The following ZNF215 variants were observed in gnomAD, a reference collection of about 807,000 sequenced individuals.
ZNF215 encodes the protein zinc finger protein 215.
A neutral mutation model predicts 27.2 loss-of-function variants in ZNF215; 24 were observed. That is an observed-to-expected ratio of 0.88 (90% CI 0.64 to 1.24). ZNF215 has a LOEUF of 1.24. Ranked by LOEUF, ZNF215 falls within the 50% of genes most tolerant of loss-of-function variation. The probability of loss-of-function intolerance (pLI) is 0.00; values close to 1 mark genes in which losing one functional copy is unlikely to be tolerated. For synonymous variants in ZNF215, 210 were observed against 204.0 expected (o/e 1.03, Z -0.25); for missense variants, 675 against 605.7 (o/e 1.11, Z -1.20).
rs1849281741 is a variant in ZNF215, at chr11:6,932,074, T to C, written c.-179-20T>C. 1 of 556,198 alleles carries C rather than the reference T, an allele frequency of 1.8e-6. No homozygotes were observed. The allele number at this position is 556,198 out of a possible 1,614,324, so 34.5% of individuals were successfully genotyped here. A position where few individuals can be genotyped will look rare whatever the true frequency, so the allele number is the denominator to read the frequency against. ...TAATAGATGTTTGTTCCCTGTGGGT[T>C]AATTTCTATCTTTTTTCAGTTGCTC... On this transcript the variant is annotated intron_variant, in intron 2 of 6. Coordinates refer to ENST00000278319, the MANE Select transcript of ZNF215 (RefSeq NM_013250.4).
chr11:6,929,364 A>G (rs1324584178), intron 2 of ZNF215, among the ~76,000 whole-genome samples: 1 of 152,210 alleles, frequency 6.6e-6, no homozygotes, highest in Admixed American at 6.5e-5. Flanking sequence ...CTTACAATTA[A>G]TAATACTACA....
chr11:6,992,266 T>TG (rs1165281035), downstream of ZNF215, among the ~76,000 whole-genome samples: 5 of 152,182 alleles, frequency 3.3e-5, no homozygotes, highest in Non-Finnish European at 7.4e-5. Flanking sequence ...CTAGCCCAGA[T>TG]TTCACAATTG....
chr11:6,976,610 T>C (rs1177787084), intron 5 of ZNF215, among the ~76,000 whole-genome samples: 1 of 152,052 alleles, frequency 6.6e-6, no homozygotes, highest in Non-Finnish European at 1.5e-5. Context: ...TATTTAATAA[T>C]TCCATTTAAG....
intron 6 of ZNF215, among the ~76,000 whole-genome samples, chr11:6,948,869 G>A (rs1425263276): frequency 6.7e-6 from 1 of 150,240 alleles, no homozygotes; most frequent in Non-Finnish European, 1.5e-5. Context: ...ATTTAGCATT[G>A]GGTATATCTC....
chr11:6,927,066 C>T (rs1290456063), intron 1 of ZNF215, among the ~76,000 whole-genome samples: 1 of 152,156 alleles, frequency 6.6e-6, no homozygotes. Context: ...GGGCAGTCTC[C>T]AGACGCGCAG....
chr11:6,941,663 G>C lies in ZNF215; in HGVS notation c.483+10G>C. On this transcript the variant is annotated intron_variant, in intron 4 of 6. Transcript: ENST00000278319. The stretch of plus-strand genomic sequence containing the variant: ...AACAGGCAAACCACAGGTGAATTAG[G>C]ATTCTAGTCTTTACTGAACACATAT... 6.2e-7 allele frequency: 1 copy of C among 1,613,700 alleles called. No individual in the cohort carries two copies. Among genetic ancestry groups the C allele is most frequent in the Non-Finnish European group, 8.5e-7 (1 of 1,179,728 alleles).
At position 6,983,128 on chromosome 11, in the gene ZNF215, A is replaced by C. The variant is rs1448573728; in HGVS notation, c.806-1001A>C. ...ACTACCATCAGAGAATACTACAAACACCTCCACGCAAATAAACTAGAAAAT... is the reference window on the plus strand; with the variant it reads ...ACTACCATCAGAGAATACTACAAACCCCTCCACGCAAATAAACTAGAAAAT... On this transcript the variant is annotated intron_variant, in intron 5 of 5. Coordinates refer to the ZNF215 transcript ENST00000529903. 2.0e-5 allele frequency among the ~76,000 whole-genome samples: 3 copies of C among 152,192 alleles called. No homozygotes were observed. In the East Asian group the frequency reaches 5.8e-4, roughly 29 times the overall value.
In ZNF215 at chr11:6,957,718, T is replaced by C. The variant is rs1256955002; in HGVS notation, c.*1187T>C. The C allele has an allele frequency of 1.0e-6, 1 of 982,920 alleles. No individual in the cohort carries two copies. Among genetic ancestry groups the C allele is most frequent in the Non-Finnish European group, 1.2e-6 (1 of 827,760 alleles). The allele number at this position is 982,920 out of a possible 1,614,324, so 60.9% of individuals were successfully genotyped here. A position where few individuals can be genotyped will look rare whatever the true frequency, so the allele number is the denominator to read the frequency against. ...TAAAGTTGCAGTTCCTAAGAACCTATTGATGATGTTCAGTGCAGACTTACT... is the reference window on the plus strand; with the variant it reads ...TAAAGTTGCAGTTCCTAAGAACCTACTGATGATGTTCAGTGCAGACTTACT... On this transcript the variant is annotated 3_prime_UTR_variant, in exon 7 of 7. Transcript: ENST00000278319.
chr11:6,962,111 A>G (rs989829246), downstream of ZNF215, among the ~76,000 whole-genome samples: 3 of 150,326 alleles, frequency 2.0e-5, no homozygotes, highest in Non-Finnish European at 4.4e-5. Context: ...TAGGGAAACC[A>G]TAAGAAATAG....
At chr11:6,973,593 C>G (rs1331579084) in intron 5 of ZNF215, among the ~76,000 whole-genome samples, 2 of 152,190 alleles carry the variant, frequency 1.3e-5, no homozygotes, top group African/African-American at 4.8e-5. Flanking sequence ...GCCATTCTAA[C>G]TGGTGTGAGA....
At chr11:6,937,510 T>G (rs991037283) in intron 3 of ZNF215, among the ~76,000 whole-genome samples, 18 of 57,918 alleles carry the variant, frequency 3.1e-4, no homozygotes, top group East Asian at 1.4e-3. Context: ...TTTTTTTTTT[T>G]GTCAGAAATG....
Position 6,957,297 on chromosome 11 carries a change from C to A in ZNF215, c.*766C>A. On this transcript the variant is annotated 3_prime_UTR_variant, in exon 7 of 7. Coordinates refer to ENST00000278319, the MANE Select transcript of ZNF215 (RefSeq NM_013250.4). ...TGGAGTTCGCACACTCTCCCTATGT[C>A]TCCGGGTGCTCCAGTTTCAAACCCC... 3.8e-6 allele frequency: 2 copies of A among 530,604 alleles called. No individual in the cohort carries two copies. The highest frequency in any genetic ancestry group is 4.8e-6 in the Non-Finnish European group (2 of 414,602). 32.9% of individuals were successfully genotyped at this position (530,604 alleles called of 1,614,324 possible).
intron 5 of ZNF215, among the ~76,000 whole-genome samples, chr11:6,979,888 T>C (rs1850912236): frequency 6.6e-6 from 1 of 152,142 alleles, no homozygotes; most frequent in Non-Finnish European, 1.5e-5. Flanking sequence ...CGTGATAGAC[T>C]TACAGATGTA....
In ZNF215 at chr11:6,956,023, G is replaced by T. The variant is rs565738525; in HGVS notation, c.1046G>T (p.Gly349Val). The T allele has an allele frequency of 5.0e-6, 8 of 1,609,496 alleles. No individual in the cohort carries two copies. The Admixed American group carries it at 1.2e-4, about 24-fold the overall frequency. The change falls in exon 7 of 7, where the codon GGT becomes GTT. Residue 349 changes from glycine to valine, a missense_variant. Transcript: ENST00000278319. ...TYFKFNLDSV[G>V]KQHSEYEYGN... is the part of the protein sequence containing the mutation. ...TTCAAATTTAATTTAGACTCAGTAG[G>T]TAAGCAACATTCAGAATATGAATAT...
downstream of ZNF215, among the ~76,000 whole-genome samples, chr11:6,992,134 G>A (rs1851122736): frequency 6.6e-6 from 1 of 152,218 alleles, no homozygotes; most frequent in African/African-American, 2.4e-5. Context: ...TAGAAACTAT[G>A]TGAAGAGGGA....
At chr11:6,971,446 C>T (rs191314627) in intron 5 of ZNF215, among the ~76,000 whole-genome samples, 4 of 152,238 alleles carry the variant, frequency 2.6e-5, no homozygotes, top group African/African-American at 9.6e-5. Flanking sequence ...CTCTATCTCC[C>T]TGAAGACAGC....
intron 5 of ZNF215, among the ~76,000 whole-genome samples, chr11:6,983,205 C>G (rs1850996100): frequency 6.6e-6 from 1 of 151,848 alleles, no homozygotes; most frequent in African/African-American, 2.4e-5. Flanking sequence ...AAGACTAAAT[C>G]AGGAAGAAGT....
intron 5 of ZNF215, among the ~76,000 whole-genome samples, chr11:6,979,137 G>C (rs1552721): frequency 0.085 from 12,883 of 152,006 alleles, 633 homozygotes; most frequent in African/African-American, 0.13. Context: ...AGGGATATAT[G>C]TGCCAATTAC....
chr11:6,932,278 G>C lies in ZNF215; in HGVS notation c.6G>C (p.Gln2His), dbSNP rs1232596360. The change falls in exon 3 of 7, where the codon CAG becomes CAC. Residue 2 changes from glutamine to histidine, a missense_variant. Transcript: ENST00000278319. M[Q>H]PLSKLMAISK... Reference sequence around the variant, plus strand: ...TGGGAGTTCTATTTAGGAAGATGCAGCCTCTGAGCAAGTTGATGGCTATCT... The same window carrying C: ...TGGGAGTTCTATTTAGGAAGATGCACCCTCTGAGCAAGTTGATGGCTATCT... 2.5e-6 allele frequency: 4 copies of C among 1,613,284 alleles called. No individual in the cohort carries two copies. The East Asian group carries it at 8.9e-5, about 36-fold the overall frequency.
Sources: gnomAD v4.1 joint callset for allele counts (sites outside exome capture counted in the v4.1 genomes callset) on GRCh38, gnomAD v4.1.1 for gene constraint, MANE v1.5 for transcripts, NCBI Gene and HGNC (gene_info 2026-07-23, HGNC 2026-07-21) for gene names.